PDILT: variants seen among roughly 807,000 people sequenced by gnomAD.
The protein encoded by PDILT is protein disulfide isomerase like, testis expressed, also known as protein disulfide-isomerase-like protein of the testis.
A neutral mutation model predicts 53.7 loss-of-function variants in PDILT; 43 were observed. That is an observed-to-expected ratio of 0.80 (90% CI 0.63 to 1.03). The LOEUF (loss-of-function observed/expected upper bound fraction) is 1.03, where lower values mean the gene tolerates loss of function less well. Ranked by LOEUF, PDILT falls within the 50% of genes least tolerant of loss-of-function variation. The probability of loss-of-function intolerance (pLI) is 0.00; values close to 1 mark genes in which losing one functional copy is unlikely to be tolerated. For missense variants in PDILT, 727 were observed against 712.3 expected (o/e 1.02, Z -0.24); for synonymous variants, 282 against 274.2 (o/e 1.03, Z -0.28).
At chr16:20,396,831 C>T (rs1204354397) in intron 2 of PDILT, among the ~76,000 whole-genome samples, 1 of 152,192 alleles carries the variant, frequency 6.6e-6, no homozygotes, top group Non-Finnish European at 1.5e-5. Flanking sequence ...AGAGCCCACC[C>T]ATTGCCTGGC....
At chr16:20,400,414 C>CTTTT (rs11343462) in intron 1 of PDILT, among the ~76,000 whole-genome samples, 1 of 130,092 alleles carries the variant, frequency 7.7e-6, no homozygotes, top group Non-Finnish European at 1.6e-5. Context: ...TCAGATGATA[C>CTTTT]TTTTTTTTTT....
intron 9 of PDILT, among the ~76,000 whole-genome samples, chr16:20,365,209 A>T (rs537988417): frequency 2.0e-5 from 3 of 152,358 alleles, no homozygotes; most frequent in African/African-American, 7.2e-5. Flanking sequence ...TGTGGAAGGC[A>T]TTGCATACAT....
intron 2 of PDILT, among the ~76,000 whole-genome samples, chr16:20,391,962 T>C (rs150436546): frequency 1.3e-5 from 2 of 151,608 alleles, no homozygotes; most frequent in Non-Finnish European, 2.9e-5. Context: ...GCAGAAGACC[T>C]TAGCTACTGA....
At chr16:20,400,176 G>C (rs1261015900) in intron 1 of PDILT, among the ~76,000 whole-genome samples, 1 of 151,764 alleles carries the variant, frequency 6.6e-6, no homozygotes, top group Non-Finnish European at 1.5e-5. Context: ...GCTCACCCTA[G>C]TGATCCTCCC....
At position 20,384,806 on chromosome 16, in the gene PDILT, C is replaced by T. The variant is rs141023477; in HGVS notation, c.248G>A (p.Gly83Asp). 4.1e-5 allele frequency: 66 copies of T among 1,614,076 alleles called. No individual in the cohort carries two copies. Among genetic ancestry groups the T allele is most frequent in the Non-Finnish European group, 5.3e-5 (63 of 1,180,054 alleles). ...TTTGCCCATGATCTCCACAGCTTTG[C>T]CCAGCTCTTCCGCCAAGTTCCTGGA... ...KQSRNLAEEL[G>D]KAVEIMGKGK... is the part of the protein sequence containing the mutation. Residue 83 changes from glycine (G) to aspartate (D), a missense_variant, in exon 3 of 12, where the codon GGC (glycine) becomes GAC (aspartate). Transcript: ENST00000302451.
intron 9 of PDILT, among the ~76,000 whole-genome samples, chr16:20,364,845 G>A (rs1215507366): frequency 1.3e-5 from 2 of 152,182 alleles, no homozygotes; most frequent in Admixed American, 1.3e-4. Context: ...ATGGAGGATT[G>A]GGGTCCCCAC....
In PDILT at chr16:20,365,326, G is replaced by A. The variant is rs188045848; in HGVS notation, c.1237+94C>T. ...CATCCTTGGCATGGTGCATTGATGG[G>A]TTTTAGAGATTTCAGTGCCCAACAA... On this transcript the variant is annotated intron_variant, in intron 9 of 11. Coordinates refer to ENST00000302451, the MANE Select transcript of PDILT (RefSeq NM_174924.2). 4.8e-4 allele frequency: 692 copies of A among 1,450,804 alleles called. 8 individuals are homozygous for A. The African/African-American group carries it at 7.7e-3, about 16-fold the overall frequency. 89.9% of individuals were successfully genotyped at this position (1,450,804 alleles called of 1,614,324 possible).
intron 3 of PDILT, among the ~76,000 whole-genome samples, chr16:20,378,318 C>T (rs1396355247): frequency 6.6e-6 from 1 of 152,174 alleles, no homozygotes; most frequent in Non-Finnish European, 1.5e-5. Flanking sequence ...CCTCAGCAGT[C>T]CCTGTTGTGC....
intron 7 of PDILT, among the ~76,000 whole-genome samples, chr16:20,372,313 AAG>A (rs1354488769): frequency 6.6e-6 from 1 of 152,244 alleles, no homozygotes; most frequent in African/African-American, 2.4e-5. Flanking sequence ...TTGCCAGAGA[AAG>A]AGAATTTGAA....
intron 10 of PDILT, among the ~76,000 whole-genome samples, chr16:20,361,559 G>T (rs939669547): frequency 2.0e-5 from 3 of 152,082 alleles, no homozygotes; most frequent in African/African-American, 7.2e-5. Context: ...GATAATTTGA[G>T]ATTACTACCT....
chr16:20,367,075 CTTTCTTTCTTTCTTTCTTTCTTTCTTT>C (rs1567320866), intron 8 of PDILT, among the ~76,000 whole-genome samples: 28 of 121,784 alleles, frequency 2.3e-4, no homozygotes, highest in Middle Eastern at 3.8e-3. Flanking sequence ...TTCTTTCTTT[CTTTCTTTCTTTCTTTCTTTCTTTCTTT>C]CTTCCTTTCT....
At position 20,399,242 on chromosome 16, in the gene PDILT, C is replaced by G; in HGVS notation, c.59G>C (p.Ser20Thr). 1 of 1,614,080 alleles carries G rather than the reference C, an allele frequency of 6.2e-7. No homozygotes were observed. Among genetic ancestry groups the G allele is most frequent in the Admixed American group, 1.7e-5 (1 of 60,024 alleles). ...LVAACVSAVH[S>T]SPEVNAGVSS... is the part of the protein sequence containing the mutation. ...AACACCGGCGTTAACCTCTGGTGAG[C>G]TGTGGACAGCAGAGACACAAGCGGC... The change falls in exon 2 of 12, where the codon AGC (serine) becomes ACC (threonine). Residue 20 changes from serine to threonine, a missense_variant. By Grantham distance (58) the Ser-to-Thr change is moderately conservative. Transcript: ENST00000302451.
intron 7 of PDILT, 79 bp downstream of exon 7, chr16:20,372,723 G>T (rs763040783): frequency 5.2e-5 from 78 of 1,500,714 alleles, no homozygotes; most frequent in Non-Finnish European, 7.0e-5. Context: ...AATAAGCAGG[G>T]CAGGCAAATG....
At chr16:20,374,691 C>T in intron 5 of PDILT, 131 bp downstream of exon 5, 2 of 1,051,756 alleles carry the variant, frequency 1.9e-6, no homozygotes, top group Non-Finnish European at 1.4e-6. Flanking sequence ...GAGACTGTGA[C>T]TTCACAGAAG....
At chr16:20,389,558 C>T (rs994908695) in intron 2 of PDILT, among the ~76,000 whole-genome samples, 1 of 152,142 alleles carries the variant, frequency 6.6e-6, no homozygotes, top group African/African-American at 2.4e-5. Flanking sequence ...ATCACCAAAC[C>T]ATCCACCACA....
chr16:20,384,576 C>A lies in PDILT; in HGVS notation c.409+69G>T, dbSNP rs137874409. Reference sequence around the variant, plus strand: ...AGCTGCATGGAGCAGAGCCTCCCACCTTTACCCTATAGCTGTTAAGTGGAC... The same window carrying A: ...AGCTGCATGGAGCAGAGCCTCCCACATTTACCCTATAGCTGTTAAGTGGAC... On this transcript the variant is annotated intron_variant, in intron 3 of 11. Coordinates refer to ENST00000302451, the MANE Select transcript of PDILT (RefSeq NM_174924.2). The A allele has an allele frequency of 1.7e-3, 2,655 of 1,586,918 alleles. 6 individuals are homozygous for A. Among genetic ancestry groups the A allele is most frequent in the Non-Finnish European group, 2.1e-3 (2,466 of 1,158,268 alleles).
rs1966061082 is a variant in PDILT at position 20,359,194 on chromosome 16, A to G, written c.*125T>C. 4 of 1,446,046 alleles carry G rather than the reference A, an allele frequency of 2.8e-6. No individual in the cohort carries two copies. The African/African-American group carries it at 5.7e-5, about 21-fold the overall frequency. The allele number at this position is 1,446,046 out of a possible 1,614,324, so 89.6% of individuals were successfully genotyped here. A position where few individuals can be genotyped will look rare whatever the true frequency, so the allele number is the denominator to read the frequency against. On this transcript the variant is annotated 3_prime_UTR_variant, in exon 12 of 12. Transcript: ENST00000302451. ...GCCAAGGACACTCAGAGGCTTTATT[A>G]TCCACCCCTACCCCCGCCCCACCTA... is the stretch of plus-strand genomic sequence containing the variant.
At chr16:20,384,318 G>C (rs575209034) in intron 3 of PDILT, among the ~76,000 whole-genome samples, 7 of 152,300 alleles carry the variant, frequency 4.6e-5, no homozygotes, top group African/African-American at 1.7e-4. Flanking sequence ...GAGCTGAACT[G>C]TATTTCTCCG....
chr16:20,369,623 T>A lies in PDILT; in HGVS notation c.985A>T (p.Thr329Ser). The A allele has an allele frequency of 1.2e-6, 2 of 1,614,238 alleles. No individual in the cohort carries two copies. The highest frequency in any genetic ancestry group is 4.5e-5 in the East Asian group (2 of 44,892). The change falls in exon 8 of 12, where the codon ACA (threonine) becomes TCA (serine). Residue 329 changes from threonine (T) to serine (S), a missense_variant. Thr to Ser is a moderately conservative substitution (Grantham distance 58, BLOSUM62 1). Coordinates refer to ENST00000302451, the MANE Select transcript of PDILT (RefSeq NM_174924.2). ...NGRVFKYFRVTEVDIPSVQIL... is the reference protein window; with the variant it reads ...NGRVFKYFRVSEVDIPSVQIL... ...TGGACGGATGGGATATCGACCTCTGTGACCCGGAAGTACTTGAAGACACGT... is the reference window on the plus strand; with the variant it reads ...TGGACGGATGGGATATCGACCTCTGAGACCCGGAAGTACTTGAAGACACGT...
Sources: gnomAD v4.1 joint callset for allele counts (sites outside exome capture counted in the v4.1 genomes callset) on GRCh38, gnomAD v4.1.1 for gene constraint, MANE v1.5 for transcripts, NCBI Gene and HGNC (gene_info 2026-07-23, HGNC 2026-07-21) for gene names.